The following PSPC1 variants were observed in gnomAD, a reference collection of about 807,000 sequenced individuals.
The protein encoded by PSPC1 is paraspeckle protein 1.
PSPC1 carries 14 observed loss-of-function variants against 51.6 expected under a neutral mutation model. That is an observed-to-expected ratio of 0.27 (90% CI 0.18 to 0.42). The LOEUF (loss-of-function observed/expected upper bound fraction) is 0.42, where lower values mean the gene tolerates loss of function less well. Among genes scored for constraint, PSPC1 ranks in the 10% least tolerant of loss-of-function variants. The pLI is 1.00. For synonymous variants in PSPC1, 193 were observed against 231.9 expected (o/e 0.83, Z 1.53); for missense variants, 406 against 701.1 (o/e 0.58, Z 4.75).
chr13:19,752,651 T>A (rs772616723), intron 3 of PSPC1, among the ~76,000 whole-genome samples: 3 of 151,996 alleles, frequency 2.0e-5, no homozygotes, highest in Admixed American at 6.6e-5. Flanking sequence ...AATGGTATAA[T>A]CTCAGCTCAC....
intron 7 of PSPC1, among the ~76,000 whole-genome samples, chr13:19,707,821 A>G (rs980937821): frequency 6.6e-6 from 1 of 152,178 alleles, no homozygotes; most frequent in African/African-American, 2.4e-5. Context: ...TCTAATAATG[A>G]TAACAGCCTT....
intron 6 of PSPC1, among the ~76,000 whole-genome samples, chr13:19,686,197 G>C (rs946840637): frequency 6.6e-6 from 1 of 151,946 alleles, no homozygotes; most frequent in African/African-American, 2.4e-5. Context: ...TTTTATTCAG[G>C]GAAAAAAAAT....
At position 19,691,486 on chromosome 13, in the gene PSPC1, C is replaced by T. The variant is rs111667404; in HGVS notation, c.1159-13663G>A. Among the ~76,000 whole-genome samples, 1,426 of 152,224 alleles carry T rather than the reference C, an allele frequency of 9.4e-3. 28 individuals are homozygous for T. The highest frequency in any genetic ancestry group is 0.032 in the African/African-American group (1,323 of 41,496). On this transcript the variant is annotated intron_variant and NMD_transcript_variant, in intron 6 of 7. Transcript: ENST00000471658. The stretch of plus-strand genomic sequence containing the variant: ...TGCGGTGAGCTATGATACACCACTG[C>T]ACTCCAGCCTGAGTGACAGAGTGAG...
At chr13:19,697,216 C>T (rs941056621) in intron 6 of PSPC1, among the ~76,000 whole-genome samples, 2 of 152,110 alleles carry the variant, frequency 1.3e-5, no homozygotes, top group East Asian at 1.9e-4. Flanking sequence ...TAGAAATGAA[C>T]GTTCTTTGGC....
intron 1 of PSPC1, among the ~76,000 whole-genome samples, chr13:19,777,724 G>T (rs1445381252): frequency 1.3e-5 from 2 of 152,058 alleles, no homozygotes; most frequent in Non-Finnish European, 2.9e-5. Flanking sequence ...AAGGCAGGCG[G>T]ATCACAAGGT....
rs1255901368 is a variant in PSPC1 at position 19,702,849 on chromosome 13, G to C, written c.*326C>G. The C allele has an allele frequency of 5.5e-6, 1 of 181,912 alleles. No homozygotes were observed. The highest frequency in any genetic ancestry group is 2.4e-5 in the African/African-American group (1 of 42,272). The allele number at this position is 181,912 out of a possible 1,614,324, so 11.3% of individuals were successfully genotyped here. A position where few individuals can be genotyped will look rare whatever the true frequency, so the allele number is the denominator to read the frequency against. ...AGCAAAGTTTAGTAAGACCGTAAGAGAATACCACTAATAACAGTTTTAAAT... is the reference window on the plus strand; with the variant it reads ...AGCAAAGTTTAGTAAGACCGTAAGACAATACCACTAATAACAGTTTTAAAT... On this transcript the variant is annotated 3_prime_UTR_variant, in exon 9 of 9. Transcript: ENST00000338910.
chr13:19,751,591 C>A lies in PSPC1; in HGVS notation c.771-124G>T, dbSNP rs368182067. The A allele has an allele frequency of 7.3e-6, 4 of 544,786 alleles. No homozygotes were observed. In the African/African-American group the frequency reaches 7.8e-5, roughly 11 times the overall value. 33.7% of individuals were successfully genotyped at this position (544,786 alleles called of 1,614,324 possible). On this transcript the variant is annotated intron_variant, in intron 3 of 8. Coordinates refer to ENST00000338910, the MANE Select transcript of PSPC1 (RefSeq NM_001354909.2). ...GACACCGTGTCTACATGAATTACCT[C>A]GTGACAATATTGTGATTACAGGCCT...
Position 19,685,647 on chromosome 13 carries a change from G to C in PSPC1, c.1159-7824C>G, listed in dbSNP as rs191462905. Among the ~76,000 whole-genome samples the C allele has an allele frequency of 1.4e-3, 214 of 152,296 alleles. 3 individuals carry two copies. Among genetic ancestry groups the C allele is most frequent in the African/African-American group, 4.8e-3 (201 of 41,554 alleles). On this transcript the variant is annotated intron_variant and NMD_transcript_variant, in intron 6 of 7. Coordinates refer to the PSPC1 transcript ENST00000471658. Reference sequence around the variant, plus strand: ...GTGCACAATCACCACTAGTGCAGCAGCAAGAGTAGAGCAAGCAGGCAATGA... The same window carrying C: ...GTGCACAATCACCACTAGTGCAGCACCAAGAGTAGAGCAAGCAGGCAATGA...
At chr13:19,720,360 C>T (rs1882615671) in intron 6 of PSPC1, among the ~76,000 whole-genome samples, 1 of 152,152 alleles carries the variant, frequency 6.6e-6, no homozygotes, top group Non-Finnish European at 1.5e-5. Context: ...AGCAGCAGTT[C>T]CAAATTGGTC....
At chr13:19,672,081 C>T (rs550502294), downstream of PSPC1, 19 of 560,478 alleles carry the variant, frequency 3.4e-5, 1 homozygote, top group African/African-American at 2.6e-4. Context: ...GTCCAGACTG[C>T]GTATTTCAGT....
At chr13:19,778,100 G>C (rs1199509347) in intron 1 of PSPC1, among the ~76,000 whole-genome samples, 1 of 151,522 alleles carries the variant, frequency 6.6e-6, no homozygotes, top group Non-Finnish European at 1.5e-5. Flanking sequence ...AAATTAGCTG[G>C]GCGTGGTTGC....
chr13:19,704,476 T>C (rs1880394946), intron 8 of PSPC1, among the ~76,000 whole-genome samples: 1 of 152,302 alleles, frequency 6.6e-6, no homozygotes, highest in African/African-American at 2.4e-5. Context: ...TTACAACTGA[T>C]GACAGGTCTG....
intron 6 of PSPC1, among the ~76,000 whole-genome samples, chr13:19,696,361 CTG>C (rs1287571916): frequency 6.6e-6 from 1 of 152,128 alleles, no homozygotes; most frequent in African/African-American, 2.4e-5. Context: ...AATCAGGTGA[CTG>C]TTTCTTTGCA....
chr13:19,692,289 A>G (rs754107307), intron 6 of PSPC1, among the ~76,000 whole-genome samples: 5 of 151,668 alleles, frequency 3.3e-5, no homozygotes, highest in Non-Finnish European at 7.4e-5. Context: ...ATGCCCGGCT[A>G]CTCTTTTAGT....
intron 1 of PSPC1, among the ~76,000 whole-genome samples, chr13:19,777,844 G>T (rs914614529): frequency 6.6e-6 from 1 of 152,116 alleles, no homozygotes; most frequent in Non-Finnish European, 1.5e-5. Flanking sequence ...TACTCAGGAG[G>T]CTGAGGCAGG....
chr13:19,749,075 A>G lies in PSPC1; in HGVS notation c.967+2196T>C, dbSNP rs141163140. 7.6e-3 allele frequency among the ~76,000 whole-genome samples: 1,158 copies of G among 152,030 alleles called. 19 individuals carry two copies. Among genetic ancestry groups the G allele is most frequent in the African/African-American group, 0.026 (1,094 of 41,480 alleles). ...AAATACAAAAAAACTGGCCAGGCAC[A>G]GTGGCTCATGCCTGCAATCCCAGCA... On this transcript the variant is annotated intron_variant, in intron 4 of 8. Transcript: ENST00000338910.
At chr13:19,733,993 G>T (rs1036583730) in intron 5 of PSPC1, among the ~76,000 whole-genome samples, 9 of 151,924 alleles carry the variant, frequency 5.9e-5, no homozygotes, top group African/African-American at 2.2e-4. Context: ...ATAGAAGAGG[G>T]TATGAAAAAG....
rs545189405 is a variant in PSPC1 at position 19,744,439 on chromosome 13, T to A, written c.968-2790A>T. Among the ~76,000 whole-genome samples the A allele has an allele frequency of 5.3e-5, 8 of 152,350 alleles. No individual in the cohort carries two copies. In the South Asian group the frequency reaches 1.2e-3, roughly 24 times the overall value. ...TATGTTGACTAAATTATATATTTTT[T>A]AAAGTTCCTAATACCCAAAGTTCCT... On this transcript the variant is annotated intron_variant, in intron 4 of 8. Coordinates refer to ENST00000338910, the MANE Select transcript of PSPC1 (RefSeq NM_001354909.2).
intron 4 of PSPC1, among the ~76,000 whole-genome samples, chr13:19,745,100 T>A (rs1885828527): frequency 6.6e-6 from 1 of 152,108 alleles, no homozygotes; most frequent in African/African-American, 2.4e-5. Context: ...GGTGGATCAC[T>A]TGAGGTCAGG....
Sources: gnomAD v4.1 joint callset for allele counts (sites outside exome capture counted in the v4.1 genomes callset) on GRCh38, gnomAD v4.1.1 for gene constraint, MANE v1.5 for transcripts, NCBI Gene and HGNC (gene_info 2026-07-23, HGNC 2026-07-21) for gene names.